Variants in PDCD1LG2 observed in about 807,000 individuals in gnomAD.
PDCD1LG2 encodes B7 dendritic cell molecule.
A neutral mutation model predicts 28.2 loss-of-function variants in PDCD1LG2; 32 were observed. The observed-to-expected ratio is 1.13, with a 90% CI of 0.86 to 1.52. PDCD1LG2 has a LOEUF of 1.52. PDCD1LG2 is among the 40% of genes most tolerant of loss of function. PDCD1LG2 has a pLI of 0.00. For synonymous variants in PDCD1LG2, 116 were observed against 120.2 expected, an observed-to-expected ratio of 0.97 and a Z score of 0.23; for missense variants, 385 against 323.8, an observed-to-expected ratio of 1.19 and a Z score of -1.45.
At chr9:5,555,134 G>A (rs1816411628) in intron 4 of PDCD1LG2, among the ~76,000 whole-genome samples, 2 of 152,270 alleles carry the variant, frequency 1.3e-5, no homozygotes, top group African/African-American at 4.8e-5. Context: ...GCCATTATTG[G>A]CCAGGTGCGG....
rs1243566906 is a variant in PDCD1LG2, at chr9:5,570,202, T to C, written c.*243T>C. The C allele has an allele frequency of 1.0e-4, 45 of 450,440 alleles. No individual in the cohort carries two copies. The highest frequency in any genetic ancestry group is 1.6e-4 in the Non-Finnish European group (39 of 249,078). The allele number at this position is 450,440 out of a possible 1,614,324, so 27.9% of individuals were successfully genotyped here. On this transcript the variant is annotated 3_prime_UTR_variant, in exon 7 of 7. Coordinates refer to ENST00000397747, the MANE Select transcript of PDCD1LG2 (RefSeq NM_025239.4). Reference sequence around the variant, plus strand: ...GCTTTAAGCAAGCACTACTGCACTTTACAGAATTACCCCACTGGATCCTGG... The same window carrying C: ...GCTTTAAGCAAGCACTACTGCACTTCACAGAATTACCCCACTGGATCCTGG...
rs921746244 is a variant in PDCD1LG2 at position 5,571,209 on chromosome 9, A to T, written c.*1250A>T. ...TCTCAGTTTCTCAATTCTCATGTAA[A>T]TCAGAGAATGCCTTTAAAGAATAAA... On this transcript the variant is annotated 3_prime_UTR_variant, in exon 7 of 7. Coordinates refer to ENST00000397747, the MANE Select transcript of PDCD1LG2 (RefSeq NM_025239.4). 8.6e-6 allele frequency: 2 copies of T among 232,798 alleles called. No individual in the cohort carries two copies. Among genetic ancestry groups the T allele is most frequent in the African/African-American group, 4.4e-5 (2 of 45,346 alleles). The allele number at this position is 232,798 out of a possible 1,614,324, so 14.4% of individuals were successfully genotyped here. A position where few individuals can be genotyped will look rare whatever the true frequency, so the allele number is the denominator to read the frequency against.
intron 2 of PDCD1LG2, 46 bp downstream of exon 2, chr9:5,522,647 TGG>T (rs755261970): frequency 6.3e-7 from 1 of 1,591,840 alleles, no homozygotes; most frequent in Admixed American, 1.7e-5. Context: ...GAGCAGGTGG[TGG>T]TTCCTAGCCA....
intron 3 of PDCD1LG2, among the ~76,000 whole-genome samples, chr9:5,548,014 A>G (rs1816248661): frequency 1.3e-5 from 2 of 148,868 alleles, no homozygotes; most frequent in Admixed American, 6.7e-5. Flanking sequence ...TGTGGTCTTT[A>G]TTTTTTTCTC....
At chr9:5,551,083 G>T in intron 4 of PDCD1LG2, among the ~76,000 whole-genome samples, 1 of 152,120 alleles carries the variant, frequency 6.6e-6, no homozygotes, top group East Asian at 1.9e-4. Flanking sequence ...TGGTTATTTG[G>T]GGTGATCTTC....
intron 5 of PDCD1LG2, among the ~76,000 whole-genome samples, chr9:5,562,185 G>T (rs942348983): frequency 1.3e-5 from 2 of 152,096 alleles, no homozygotes; most frequent in African/African-American, 4.8e-5. Context: ...GAAATCAGAG[G>T]TTAAGAAAAA....
intron 4 of PDCD1LG2, among the ~76,000 whole-genome samples, chr9:5,552,543 G>A (rs1345382334): frequency 6.6e-6 from 1 of 152,110 alleles, no homozygotes. Context: ...GTTGTCAGGA[G>A]GAAATGAGTT....
chr9:5,570,173 T>C lies in PDCD1LG2; in HGVS notation c.*214T>C, dbSNP rs1816744244. On this transcript the variant is annotated 3_prime_UTR_variant, in exon 7 of 7. Transcript: ENST00000397747. ...CTGATCTGGACTCACCTCTGGAGCC[T>C]ATGGCTTTAAGCAAGCACTACTGCA... 5.0e-6 allele frequency: 3 copies of C among 595,282 alleles called. No individual in the cohort carries two copies. The African/African-American group carries it at 5.5e-5, about 11-fold the overall frequency. The allele number at this position is 595,282 out of a possible 1,614,324, so 36.9% of individuals were successfully genotyped here.
intron 2 of PDCD1LG2, among the ~76,000 whole-genome samples, chr9:5,526,343 A>G (rs985918005): frequency 6.6e-6 from 1 of 152,216 alleles, no homozygotes; most frequent in Non-Finnish European, 1.5e-5. Flanking sequence ...TCAGCTCCCC[A>G]GAAATGCTTC....
At chr9:5,529,481 T>A (rs1430169676) in intron 2 of PDCD1LG2, among the ~76,000 whole-genome samples, 1 of 152,252 alleles carries the variant, frequency 6.6e-6, no homozygotes, top group East Asian at 1.9e-4. Flanking sequence ...GGTCTATTTC[T>A]GGACTTTTTG....
chr9:5,519,900 A>G (rs1374529478), intron 1 of PDCD1LG2, among the ~76,000 whole-genome samples: 1 of 152,202 alleles, frequency 6.6e-6, no homozygotes, highest in Non-Finnish European at 1.5e-5. Flanking sequence ...CTAGCCTGTC[A>G]GCAGTTCCCT....
intron 3 of PDCD1LG2, among the ~76,000 whole-genome samples, chr9:5,538,338 A>C (rs1461511072): frequency 6.6e-6 from 1 of 152,036 alleles, no homozygotes; most frequent in African/African-American, 2.4e-5. Flanking sequence ...TTTTAGATGC[A>C]TATATTTTTT....
At position 5,570,232 on chromosome 9, in the gene PDCD1LG2, A is replaced by G; in HGVS notation, c.*273A>G. 2.6e-6 allele frequency: 1 copy of G among 384,024 alleles called. No homozygotes were observed. Among genetic ancestry groups the G allele is most frequent in the East Asian group, 3.6e-5 (1 of 27,758 alleles). The allele number at this position is 384,024 out of a possible 1,614,324, so 23.8% of individuals were successfully genotyped here. ...AATTACCCCACTGGATCCTGGACCC[A>G]CAGAATTCCTTCAGGATCCTTCTTG... On this transcript the variant is annotated 3_prime_UTR_variant, in exon 7 of 7. Transcript: ENST00000397747.
intron 6 of PDCD1LG2, among the ~76,000 whole-genome samples, chr9:5,568,822 G>C (rs1055316780): frequency 1.6e-4 from 24 of 152,188 alleles, no homozygotes; most frequent in Admixed American, 4.6e-4. Flanking sequence ...TGAAAAGTCT[G>C]TGTATTTTTT....
At chr9:5,551,535 T>C (rs1304714301) in intron 4 of PDCD1LG2, among the ~76,000 whole-genome samples, 1 of 152,172 alleles carries the variant, frequency 6.6e-6, no homozygotes, top group African/African-American at 2.4e-5. Flanking sequence ...GAATTTCAGG[T>C]GGAAGGACTT....
chr9:5,515,512 T>A (rs1372075274), intron 1 of PDCD1LG2, among the ~76,000 whole-genome samples: 2 of 152,098 alleles, frequency 1.3e-5, no homozygotes, highest in Non-Finnish European at 2.9e-5. Context: ...CAGAACAGCT[T>A]TCAGGAGACC....
intron 3 of PDCD1LG2, among the ~76,000 whole-genome samples, chr9:5,547,605 G>A (rs1212841511): frequency 6.6e-6 from 1 of 152,030 alleles, no homozygotes; most frequent in Non-Finnish European, 1.5e-5. Context: ...TATTTATGGG[G>A]TACAATATGA....
At chr9:5,558,403 T>C (rs1394632441) in intron 5 of PDCD1LG2, among the ~76,000 whole-genome samples, 1 of 152,208 alleles carries the variant, frequency 6.6e-6, no homozygotes, top group Non-Finnish European at 1.5e-5. Context: ...ATTGCTTCAT[T>C]GTTCATGTGT....
chr9:5,512,245 C>T (rs1820074987), intron 1 of PDCD1LG2, among the ~76,000 whole-genome samples: 1 of 152,228 alleles, frequency 6.6e-6, no homozygotes, highest in Non-Finnish European at 1.5e-5. Context: ...ATCACCTCCT[C>T]ATGCCACACC....
Sources: gnomAD v4.1 joint callset for allele counts (sites outside exome capture counted in the v4.1 genomes callset) on GRCh38, gnomAD v4.1.1 for gene constraint, MANE v1.5 for transcripts, NCBI Gene and HGNC (gene_info 2026-07-23, HGNC 2026-07-21) for gene names.